NUDC: variants seen among roughly 807,000 people sequenced by gnomAD.
The protein encoded by NUDC is nuclear migration protein nudC.
A neutral mutation model predicts 45.0 loss-of-function variants in NUDC; 14 were observed. That is an observed-to-expected ratio of 0.31 (90% CI 0.21 to 0.49). The LOEUF (loss-of-function observed/expected upper bound fraction) is 0.49. NUDC is among the 20% of genes least tolerant of loss of function. The pLI is 0.99. For synonymous variants in NUDC, 153 were observed against 156.7 expected, an observed-to-expected ratio of 0.98 and a Z score of 0.17; for missense variants, 323 against 426.2, an observed-to-expected ratio of 0.76 and a Z score of 2.13.
chr1:26,922,367 G>A (rs931770348), intron 1 of NUDC: 26 of 230,772 alleles, frequency 1.1e-4, no homozygotes, highest in Non-Finnish European at 1.8e-4. Flanking sequence ...TGGGGGAATA[G>A]GAGGCCTGTG....
At position 26,946,024 on chromosome 1, in the gene NUDC, G is replaced by T. The variant is rs1557683301; in HGVS notation, c.945-106G>T. Reference sequence around the variant, plus strand: ...CCCTGCTCCTGCCCAGCCTGGCTTGGTGTTGCTGAGGTCTAAAGAGATTAG... The same window carrying T: ...CCCTGCTCCTGCCCAGCCTGGCTTGTTGTTGCTGAGGTCTAAAGAGATTAG... On this transcript the variant is annotated intron_variant, in intron 8 of 8. Coordinates refer to ENST00000321265, the MANE Select transcript of NUDC (RefSeq NM_006600.4). 9.0e-6 allele frequency: 10 copies of T among 1,110,610 alleles called. No homozygotes were observed. In the South Asian group the frequency reaches 1.0e-4, roughly 11 times the overall value. The allele number at this position is 1,110,610 out of a possible 1,614,324, so 68.8% of individuals were successfully genotyped here.
chr1:26,911,669 C>T, intron 3 of NUDC: 2 of 754,908 alleles, frequency 2.6e-6, no homozygotes, highest in Non-Finnish European at 4.5e-6. Context: ...ACACTGTGTC[C>T]AAACCAAGGA....
At chr1:26,904,712 A>T (rs898137609) in intron 2 of NUDC, among the ~76,000 whole-genome samples, 2 of 152,180 alleles carry the variant, frequency 1.3e-5, no homozygotes, top group African/African-American at 2.4e-5. Context: ...CACTTTACTT[A>T]ATCTCTCTGT....
intron 3 of NUDC, among the ~76,000 whole-genome samples, chr1:26,915,058 C>CATACATATATATAT (rs758134417): frequency 8.5e-5 from 12 of 140,538 alleles, no homozygotes; most frequent in African/African-American, 3.2e-4. Flanking sequence ...TACATACATA[C>CATACATATATATAT]ATATATATAT....
chr1:26,925,462 C>A (rs1205857813), intron 2 of NUDC, among the ~76,000 whole-genome samples: 2 of 146,632 alleles, frequency 1.4e-5, no homozygotes, highest in Non-Finnish European at 3.0e-5. Context: ...ATGGCGTGAA[C>A]CCCGGGGGGC....
Position 26,945,365 on chromosome 1 carries a change from C to T in NUDC, c.742-25C>T, listed in dbSNP as rs369335414. ...CTGGTGCACAGAGCAGGCCACCTCC[C>T]ACCCTCTGGTTGTTCTCTTCACAGA... On this transcript the variant is annotated intron_variant, in intron 6 of 8. Transcript: ENST00000321265. 6.2e-6 allele frequency: 10 copies of T among 1,606,430 alleles called. No homozygotes were observed. In the African/African-American group the frequency reaches 1.3e-4, roughly 21 times the overall value.
chr1:26,903,087 C>G (rs912486570), intron 2 of NUDC, among the ~76,000 whole-genome samples: 8 of 151,866 alleles, frequency 5.3e-5, no homozygotes, highest in African/African-American at 1.9e-4. Context: ...CTCTCCTTAC[C>G]AAGCCTGGAT....
At chr1:26,935,739 AT>A (rs2082224290) in intron 2 of NUDC, among the ~76,000 whole-genome samples, 1 of 151,968 alleles carries the variant, frequency 6.6e-6, no homozygotes, top group South Asian at 2.1e-4. Context: ...TGGGTATTTG[AT>A]TACGATTGTT....
At chr1:26,915,179 A>T (rs1222531096) in intron 3 of NUDC, among the ~76,000 whole-genome samples, 2 of 151,742 alleles carry the variant, frequency 1.3e-5, no homozygotes, top group Non-Finnish European at 2.9e-5. Context: ...ACTTTATGAG[A>T]CTAAAAAAGC....
At chr1:26,944,041 A>G (rs76152371) in intron 6 of NUDC, among the ~76,000 whole-genome samples, 3 of 143,532 alleles carry the variant, frequency 2.1e-5, no homozygotes, top group Non-Finnish European at 4.6e-5. Context: ...CCATGCCTGT[A>G]TTTTTTTTTT....
At chr1:26,943,728 C>T (rs959376592) in intron 6 of NUDC, among the ~76,000 whole-genome samples, 3 of 152,142 alleles carry the variant, frequency 2.0e-5, no homozygotes, top group Non-Finnish European at 4.4e-5. Context: ...CCTCAGGAAG[C>T]CTTCATTCTC....
chr1:26,932,430 C>T (rs1314501463), intron 2 of NUDC, among the ~76,000 whole-genome samples: 2 of 151,914 alleles, frequency 1.3e-5, no homozygotes, highest in Non-Finnish European at 2.9e-5. Context: ...CCTCCTGCCT[C>T]GACTTCCCAA....
At chr1:26,904,342 G>A (rs1288325569) in intron 2 of NUDC, among the ~76,000 whole-genome samples, 1 of 151,602 alleles carries the variant, frequency 6.6e-6, no homozygotes. Context: ...GCTAATTTTT[G>A]TATTTTTAGT....
At chr1:26,914,877 G>A (rs145696809) in intron 3 of NUDC, among the ~76,000 whole-genome samples, 1 of 151,872 alleles carries the variant, frequency 6.6e-6, no homozygotes, top group Non-Finnish European at 1.5e-5. Flanking sequence ...TAAGGCAAAA[G>A]AATCACTCGA....
At chr1:26,916,694 C>A (rs550148241) in intron 3 of NUDC, among the ~76,000 whole-genome samples, 3 of 152,104 alleles carry the variant, frequency 2.0e-5, no homozygotes, top group African/African-American at 7.2e-5. Flanking sequence ...CACGGTGGCT[C>A]ACACCTGTAA....
intron 2 of NUDC, among the ~76,000 whole-genome samples, chr1:26,935,840 A>AT (rs2082225064): frequency 6.6e-6 from 1 of 151,736 alleles, no homozygotes; most frequent in South Asian, 2.1e-4. Context: ...AAAACAAAAA[A>AT]TTAAGGGTCA....
chr1:26,936,188 TTTTTTTTTTTTTTTTTTTG>T (rs2082232593), intron 2 of NUDC, among the ~76,000 whole-genome samples: 1 of 59,774 alleles, frequency 1.7e-5, no homozygotes, highest in Non-Finnish European at 3.3e-5. Flanking sequence ...TTTTTTTTTT[TTTTTTTTTTTTTTTTTTTG>T]AGATGGAGTT....
chr1:26,924,024 C>G, intron 1 of NUDC, 65 bp from the exon 2 acceptor site: 2 of 1,444,208 alleles, frequency 1.4e-6, no homozygotes. Context: ...AACAAGTTGA[C>G]TTGTGTGCAG....
chr1:26,944,986 GA>G (rs2082306963), intron 6 of NUDC: 5 of 239,156 alleles, frequency 2.1e-5, no homozygotes, highest in South Asian at 1.6e-4. Context: ...AGGTTGCAGT[GA>G]GCCGAGATGG....
Sources: allele counts gnomAD v4.1 joint callset (sites outside exome capture counted in the v4.1 genomes callset), GRCh38; gene constraint gnomAD v4.1.1; transcripts MANE v1.5; gene names NCBI Gene and HGNC (gene_info 2026-07-23, HGNC 2026-07-21).